HECTD2: variants seen among roughly 807,000 people sequenced by gnomAD.
HECTD2 encodes HECT domain E3 ubiquitin protein ligase 2.
HECTD2 carries 35 observed loss-of-function variants against 103.2 expected under a neutral mutation model. The ratio of observed to expected loss-of-function variants is 0.34; its 90% CI spans 0.26 to 0.45. The LOEUF (loss-of-function observed/expected upper bound fraction) is 0.45. Ranked by LOEUF, HECTD2 falls within the 20% of genes least tolerant of loss-of-function variation. The pLI is 1.00. For missense variants in HECTD2, 596 were observed against 937.4 expected, an observed-to-expected ratio of 0.64 and a Z score of 4.76; for synonymous variants, 281 against 329.9, an observed-to-expected ratio of 0.85 and a Z score of 1.61.
At chr10:91,490,668 G>A (rs1402059968) in intron 11 of HECTD2, among the ~76,000 whole-genome samples, 1 of 151,570 alleles carries the variant, frequency 6.6e-6, no homozygotes, top group African/African-American at 2.4e-5. Context: ...GAGGCGGGCG[G>A]ATCACGAGGT....
intron 19 of HECTD2, 96 bp downstream of exon 19, chr10:91,500,713 T>C (rs1846867052): frequency 1.6e-6 from 1 of 618,440 alleles, no homozygotes. Context: ...TTTGAATCAA[T>C]TAAGTTAGTC....
intron 5 of HECTD2, 67 bp downstream of exon 5, chr10:91,462,251 A>T: frequency 7.0e-7 from 1 of 1,438,126 alleles, no homozygotes; most frequent in Non-Finnish European, 9.3e-7. Context: ...CAGCCATACA[A>T]ATATTGTAAA....
chr10:91,457,614 A>G (rs1031738903), intron 2 of HECTD2, among the ~76,000 whole-genome samples: 1 of 152,072 alleles, frequency 6.6e-6, no homozygotes, highest in Non-Finnish European at 1.5e-5. Context: ...GAAAAAAATT[A>G]AAACTCCCAG....
chr10:91,512,513 T>TA lies in HECTD2; in HGVS notation c.*135dup. ...CACCAACTTTAAAATATTAAGTTTT[T>TA]AAAAAATCAAATATGAAGTATGTTC... is the stretch of plus-strand genomic sequence containing the variant. On this transcript the variant is annotated 3_prime_UTR_variant, in exon 21 of 21. Transcript: ENST00000298068. 6 of 885,728 alleles carry TA rather than the reference T, an allele frequency of 6.8e-6. No homozygotes were observed. Among genetic ancestry groups the TA allele is most frequent in the Non-Finnish European group, 1.0e-5 (6 of 594,562 alleles). The allele number at this position is 885,728 out of a possible 1,614,324, so 54.9% of individuals were successfully genotyped here.
chr10:91,417,525 C>T (rs1318232494), intron 1 of HECTD2, among the ~76,000 whole-genome samples: 2 of 152,124 alleles, frequency 1.3e-5, no homozygotes, highest in Non-Finnish European at 2.9e-5. Context: ...TCCCCGCCCC[C>T]CCACAACAGG....
At chr10:91,491,085 T>C in intron 11 of HECTD2, 115 bp from the exon 12 acceptor site, 1 of 513,120 alleles carries the variant, frequency 1.9e-6, no homozygotes, top group Non-Finnish European at 3.5e-6. Flanking sequence ...TATAAAATTG[T>C]TTATATAAGA....
At chr10:91,466,538 G>C (rs753549900) in intron 5 of HECTD2, among the ~76,000 whole-genome samples, 21 of 152,080 alleles carry the variant, frequency 1.4e-4, no homozygotes, top group Non-Finnish European at 2.4e-4. Context: ...TATTCATTCA[G>C]TGCTATACAT....
At chr10:91,455,123 G>A (rs563211542) in intron 2 of HECTD2, among the ~76,000 whole-genome samples, 5 of 152,020 alleles carry the variant, frequency 3.3e-5, no homozygotes, top group Admixed American at 6.6e-5. Context: ...TTTCTAGTTC[G>A]AGATCCTTGA....
At chr10:91,429,151 T>C (rs1467654706) in intron 2 of HECTD2, among the ~76,000 whole-genome samples, 1 of 151,876 alleles carries the variant, frequency 6.6e-6, no homozygotes, top group Non-Finnish European at 1.5e-5. Flanking sequence ...GGTTTTTGTC[T>C]TTGGTTCTGT....
At chr10:91,491,976 T>C (rs1846498380) in intron 12 of HECTD2, among the ~76,000 whole-genome samples, 1 of 152,148 alleles carries the variant, frequency 6.6e-6, no homozygotes, top group South Asian at 2.1e-4. Context: ...TCCCAAATAG[T>C]TGGGATTACC....
chr10:91,437,619 C>CTTTTTTTTTTTTTTTTTTGGTTTTTT (rs1844176801), intron 2 of HECTD2, among the ~76,000 whole-genome samples: 1 of 87,400 alleles, frequency 1.1e-5, no homozygotes, highest in African/African-American at 3.3e-5. Context: ...GATGGTTGTT[C>CTTTTTTTTTTTTTTTTTTGGTTTTTT]TTTTTTTTTT....
chr10:91,504,311 A>G (rs1367760311), intron 20 of HECTD2, among the ~76,000 whole-genome samples: 5 of 152,258 alleles, frequency 3.3e-5, no homozygotes, highest in African/African-American at 4.8e-5. Flanking sequence ...AGAAGGCTTC[A>G]GATGATCAAA....
intron 2 of HECTD2, among the ~76,000 whole-genome samples, chr10:91,445,097 T>G (rs1257712494): frequency 6.6e-6 from 1 of 152,160 alleles, no homozygotes; most frequent in Non-Finnish European, 1.5e-5. Flanking sequence ...ATCAGCCAAA[T>G]TTTGCTAGCT....
chr10:91,461,328 C>T lies in HECTD2; in HGVS notation c.482C>T (p.Ser161Phe). The T allele has an allele frequency of 6.5e-7, 1 of 1,537,026 alleles. No homozygotes were observed. Among genetic ancestry groups the T allele is most frequent in the Non-Finnish European group, 8.8e-7 (1 of 1,134,880 alleles). Residue 161 changes from serine (S) to phenylalanine (F), a missense_variant, in exon 4 of 21, where the codon TCT becomes TTT. Around this residue, in one of 4 missense-constraint regions of HECTD2, gnomAD observed 220 missense variants for 233.9 expected, o/e 0.94. Transcript: ENST00000298068. ...VHDFYLTTFD[S>F]FPELNAAFKK... Reference sequence around the variant, plus strand: ...GATTTTTATCTAACAACGTTTGATTCTTTCCCAGAATTAAATGCTGCATTT... The same window carrying T: ...GATTTTTATCTAACAACGTTTGATTTTTTCCCAGAATTAAATGCTGCATTT...
intron 1 of HECTD2, among the ~76,000 whole-genome samples, chr10:91,416,983 A>G (rs1363220254): frequency 1.3e-5 from 2 of 152,346 alleles, no homozygotes; most frequent in African/African-American, 4.8e-5. Flanking sequence ...AGGTGTACAG[A>G]TACTATTGCC....
chr10:91,496,379 A>G lies in HECTD2; in HGVS notation c.1680+7A>G, dbSNP rs750291136. The G allele has an allele frequency of 7.5e-6, 12 of 1,593,542 alleles. No individual in the cohort carries two copies. The East Asian group carries it at 9.0e-5, about 12-fold the overall frequency. Reference sequence around the variant, plus strand: ...CTTATGTCAAATTATGCCTGTAAGTATAAAGTTATTAATATCTTGTCCTTT... The same window carrying G: ...CTTATGTCAAATTATGCCTGTAAGTGTAAAGTTATTAATATCTTGTCCTTT... On this transcript the variant is annotated splice_region_variant and intron_variant, in intron 15 of 20. Coordinates refer to ENST00000298068, the MANE Select transcript of HECTD2 (RefSeq NM_182765.6).
intron 5 of HECTD2, chr10:91,464,724 C>T (rs981694874): frequency 2.0e-5 from 3 of 153,488 alleles, no homozygotes; most frequent in Non-Finnish European, 2.9e-5. Context: ...AGTTGGAGCA[C>T]ACACCATGCT....
At chr10:91,421,215 C>T (rs1335245792) in intron 1 of HECTD2, among the ~76,000 whole-genome samples, 1 of 152,194 alleles carries the variant, frequency 6.6e-6, no homozygotes, top group East Asian at 1.9e-4. Flanking sequence ...CCGTTAGGCA[C>T]ATTTTAGACC....
chr10:91,478,288 T>C, intron 6 of HECTD2, 23 bp downstream of exon 6: 1 of 1,416,084 alleles, frequency 7.1e-7, no homozygotes, highest in Non-Finnish European at 1.0e-6. Flanking sequence ...TTTCAATATT[T>C]AGCTAATCAG....
Sources: allele counts gnomAD v4.1 joint callset (sites outside exome capture counted in the v4.1 genomes callset), GRCh38; gene constraint gnomAD v4.1.1; regional missense constraint gnomAD v4.1.1; transcripts MANE v1.5; gene names NCBI Gene and HGNC (gene_info 2026-07-23, HGNC 2026-07-21).